Variants in ACACA observed in about 807,000 individuals in gnomAD.
The protein encoded by ACACA is acetyl-CoA carboxylase 1.
In ACACA, 103 loss-of-function variants were observed where a neutral mutation model predicts 296.1. That is an observed-to-expected ratio of 0.35 (90% CI 0.30 to 0.41). The LOEUF (loss-of-function observed/expected upper bound fraction) is 0.41, where lower values mean the gene tolerates loss of function less well. Ranked by LOEUF, ACACA falls within the 10% of genes least tolerant of loss-of-function variation. ACACA has a pLI of 1.00. For synonymous variants in ACACA, 953 were observed against 1,038.6 expected (o/e 0.92, Z 1.58); for missense variants, 1,554 against 2,989.7 (o/e 0.52, Z 11.20).
At chr17:37,273,602 C>T (rs1401458962) in intron 9 of ACACA, among the ~76,000 whole-genome samples, 2 of 152,256 alleles carry the variant, frequency 1.3e-5, no homozygotes, top group African/African-American at 2.4e-5. Flanking sequence ...CTCAGCCATA[C>T]ACTAAGCTGA....
chr17:37,279,674 G>T (rs971578472), intron 5 of ACACA, among the ~76,000 whole-genome samples: 1 of 151,190 alleles, frequency 6.6e-6, no homozygotes, highest in Non-Finnish European at 1.5e-5. Context: ...AGCTGGGCCT[G>T]GTGGTGGGCA....
At chr17:37,168,092 C>T (rs2076751766) in intron 41 of ACACA, among the ~76,000 whole-genome samples, 1 of 152,132 alleles carries the variant, frequency 6.6e-6, no homozygotes, top group African/African-American at 2.4e-5. Context: ...TAGCCATATA[C>T]GCTAAGGTAA....
At chr17:37,365,596 T>C in intron 1 of ACACA, 4 of 985,420 alleles carry the variant, frequency 4.1e-6, no homozygotes, top group Non-Finnish European at 4.8e-6. Context: ...CCAGTTGTGA[T>C]ATAAAAGAAA....
intron 1 of ACACA, among the ~76,000 whole-genome samples, chr17:37,373,037 C>T (rs927833806): frequency 6.6e-6 from 1 of 152,044 alleles, no homozygotes; most frequent in African/African-American, 2.4e-5. Flanking sequence ...TGTGCCACGA[C>T]GCCCAGATAA....
intron 1 of ACACA, among the ~76,000 whole-genome samples, chr17:37,358,241 C>T (rs981199817): frequency 2.6e-5 from 4 of 152,200 alleles, no homozygotes. Context: ...TCCACTCTCC[C>T]ACTCTCAAAT....
At chr17:37,348,254 A>T (rs557970611) in intron 1 of ACACA, among the ~76,000 whole-genome samples, 59 of 152,326 alleles carry the variant, frequency 3.9e-4, no homozygotes, top group African/African-American at 1.4e-3. Flanking sequence ...AGCTCCCAAA[A>T]GCAAGAACAA....
intron 1 of ACACA, among the ~76,000 whole-genome samples, chr17:37,343,537 C>G (rs185854973): frequency 1.2e-3 from 188 of 151,988 alleles, no homozygotes; most frequent in Middle Eastern, 3.4e-3. Context: ...GAGGCCAAGG[C>G]AGGTGGATCA....
intron 2 of ACACA, among the ~76,000 whole-genome samples, 191 bp from the exon 3 acceptor site, chr17:37,330,616 T>A (rs2047832001): frequency 6.6e-6 from 1 of 152,230 alleles, no homozygotes; most frequent in African/African-American, 2.4e-5. Flanking sequence ...TCATGATAAC[T>A]ATGCCCATAA....
At chr17:37,166,025 G>C (rs889965519) in intron 41 of ACACA, among the ~76,000 whole-genome samples, 3 of 152,124 alleles carry the variant, frequency 2.0e-5, no homozygotes, top group Non-Finnish European at 4.4e-5. Flanking sequence ...ATTGCTTTTG[G>C]CTTACCATCT....
intron 1 of ACACA, among the ~76,000 whole-genome samples, chr17:37,364,665 T>C (rs2036817760): frequency 6.6e-6 from 1 of 151,298 alleles, no homozygotes; most frequent in Admixed American, 6.6e-5. Context: ...TGTCTGACCA[T>C]GAATCCAAAT....
chr17:37,187,603 T>C (rs1287509831), intron 39 of ACACA, among the ~76,000 whole-genome samples: 2 of 152,240 alleles, frequency 1.3e-5, no homozygotes, highest in Non-Finnish European at 2.9e-5. Context: ...TTTCACAGAA[T>C]TAGTGTACTG....
intron 3 of ACACA, among the ~76,000 whole-genome samples, chr17:37,306,620 T>A (rs769993567): frequency 2.8e-4 from 42 of 152,288 alleles, no homozygotes; most frequent in Middle Eastern, 6.8e-3. Context: ...CTCTTGAACT[T>A]CATAAATATA....
At chr17:37,286,182 G>A (rs1230682164) in intron 3 of ACACA, among the ~76,000 whole-genome samples, 1 of 152,128 alleles carries the variant, frequency 6.6e-6, no homozygotes, top group Non-Finnish European at 1.5e-5. Context: ...GAGCCACCGC[G>A]CCTGGCTGGC....
chr17:37,310,477 G>A (rs2084077890), intron 3 of ACACA, among the ~76,000 whole-genome samples: 1 of 152,094 alleles, frequency 6.6e-6, no homozygotes, highest in Admixed American at 6.6e-5. Flanking sequence ...CATATAAGCA[G>A]TAGCAAAGGG....
chr17:37,249,762 G>A (rs550071917), intron 16 of ACACA, among the ~76,000 whole-genome samples: 62 of 148,844 alleles, frequency 4.2e-4, no homozygotes, highest in African/African-American at 1.3e-3. Context: ...AAACCAGGAG[G>A]TGGGAAGAAA....
chr17:37,361,824 G>T (rs538379944), intron 1 of ACACA, among the ~76,000 whole-genome samples: 249 of 152,292 alleles, frequency 1.6e-3, no homozygotes, highest in Non-Finnish European at 2.5e-3. Context: ...AGGGTGGAGA[G>T]AACTTACTAT....
intron 1 of ACACA, among the ~76,000 whole-genome samples, chr17:37,381,179 G>T (rs894549336): frequency 6.6e-6 from 1 of 151,278 alleles, no homozygotes; most frequent in Non-Finnish European, 1.5e-5. Flanking sequence ...TTGTTATTTT[G>T]TTGTTGTTGT....
At chr17:37,111,668 A>T (rs760462101) in intron 51 of ACACA, 25 bp from the exon 52 acceptor site, 1 of 1,570,890 alleles carries the variant, frequency 6.4e-7, no homozygotes, top group African/African-American at 1.3e-5. Context: ...AAGAAAAAAC[A>T]AAACAGAAAT....
rs1400155657 is a variant in ACACA at position 37,097,000 on chromosome 17, A to G, written c.6887T>C (p.Val2296Ala). The G allele has an allele frequency of 1.2e-6, 2 of 1,613,946 alleles. No individual in the cohort carries two copies. Among genetic ancestry groups the G allele is most frequent in the South Asian group, 2.2e-5 (2 of 91,078 alleles). ...CTCTTTGAGTGTCCCACCTACCTTC[A>G]CTGTTCCTTCCACTTCCACAAACCA... ...RRWFVEVEGTVKAYVWDNNKD... is the reference protein window; with the variant it reads ...RRWFVEVEGTAKAYVWDNNKD... Residue 2296 changes from valine (V) to alanine (A), a missense_variant, in exon 54 of 56, where the codon GTG becomes GCG. Physicochemically the swap from Val to Ala is moderately conservative, Grantham distance 64 (BLOSUM62 0). This residue lies in a region of ACACA where 553 missense variants were observed against 1,043.6 expected (regional missense o/e 0.53). Transcript: ENST00000616317.
Sources: allele counts gnomAD v4.1 joint callset (sites outside exome capture counted in the v4.1 genomes callset), GRCh38; gene constraint gnomAD v4.1.1; regional missense constraint gnomAD v4.1.1; transcripts MANE v1.5; gene names NCBI Gene and HGNC (gene_info 2026-07-23, HGNC 2026-07-21).